ACOT8: variants seen among roughly 807,000 people sequenced by gnomAD.
ACOT8 encodes the protein acyl-coenzyme A thioesterase 8.
Under a neutral mutation model 38.4 loss-of-function variants are expected in ACOT8, and 31 were observed. The ratio of observed to expected loss-of-function variants is 0.81; its 90% CI spans 0.61 to 1.09. ACOT8 has a LOEUF of 1.09. Among genes scored for constraint, ACOT8 ranks in the 50% least tolerant of loss-of-function variants. The pLI is 0.00. For synonymous variants in ACOT8, 158 were observed against 170.3 expected, an observed-to-expected ratio of 0.93 and a Z score of 0.56; for missense variants, 373 against 421.8, an observed-to-expected ratio of 0.88 and a Z score of 1.01.
At position 45,842,701 on chromosome 20, in the gene ACOT8, A is replaced by T. The variant is rs1057276; in HGVS notation, c.842-745T>A. The T allele has an allele frequency of 0.027, 27,153 of 989,046 alleles. 511 individuals carry two copies. Among genetic ancestry groups the T allele is most frequent in the Admixed American group, 0.12 (2,124 of 17,180 alleles). 61.3% of individuals were successfully genotyped at this position (989,046 alleles called of 1,614,324 possible). A position where few individuals can be genotyped will look rare whatever the true frequency, so the allele number is the denominator to read the frequency against. On this transcript the variant is annotated intron_variant, in intron 5 of 5. Coordinates refer to ENST00000217455, the MANE Select transcript of ACOT8 (RefSeq NM_005469.4). The stretch of plus-strand genomic sequence containing the variant: ...CAAATGAAGCAGTTATGTGTTGTCC[A>T]GTTTTCCAGACCAGGACTGAAATCC...
At chr20:45,843,492 G>A (rs1009312067) in intron 5 of ACOT8, 35 bp downstream of exon 5, 1 of 1,600,150 alleles carries the variant, frequency 6.2e-7, no homozygotes, top group Non-Finnish European at 8.5e-7. Flanking sequence ...GCCACTCAAG[G>A]TCAGTGCCCT....
At chr20:45,843,449 G>C in intron 5 of ACOT8, 78 bp downstream of exon 5, 1 of 1,536,538 alleles carries the variant, frequency 6.5e-7, no homozygotes, top group Non-Finnish European at 8.8e-7. Context: ...CAGGAAGTCG[G>C]GAAATCAGCA....
Position 45,841,791 on chromosome 20 carries a change from G to T in ACOT8, c.*47C>A. On this transcript the variant is annotated 3_prime_UTR_variant, in exon 6 of 6. Coordinates refer to ENST00000217455, the MANE Select transcript of ACOT8 (RefSeq NM_005469.4). ...CTGTAACTCCTGTCTCAGGAATGGG[G>T]ATAGATGGGAGGTTCTTGAAGCCCC... 2 of 1,542,852 alleles carry T rather than the reference G, an allele frequency of 1.3e-6. No homozygotes were observed. The highest frequency in any genetic ancestry group is 1.7e-6 in the Non-Finnish European group (2 of 1,151,182).
chr20:45,848,944 G>A (rs913938401), intron 2 of ACOT8: 31 of 381,950 alleles, frequency 8.1e-5, no homozygotes, highest in Admixed American at 5.3e-4. Context: ...CTCACCAGCC[G>A]TGTGACCCTT....
Position 45,855,308 on chromosome 20 carries a change from G to GA in ACOT8, c.129-17dup. ...ATGCCTTCCTCTGTAGGGAGAGGGG[G>GA]AAAGAGGGAAAGACTTGGGAACTGG... On this transcript the variant is annotated splice_polypyrimidine_tract_variant and intron_variant, in intron 1 of 5. Coordinates refer to ENST00000217455, the MANE Select transcript of ACOT8 (RefSeq NM_005469.4). The GA allele has an allele frequency of 6.2e-7, 1 of 1,613,494 alleles. No individual in the cohort carries two copies. The highest frequency in any genetic ancestry group is 8.5e-7 in the Non-Finnish European group (1 of 1,179,874).
At chr20:45,848,358 G>A in intron 3 of ACOT8, 92 bp downstream of exon 3, 3 of 1,091,140 alleles carry the variant, frequency 2.7e-6, no homozygotes, top group Non-Finnish European at 3.9e-6. Context: ...TTTTAAAAAT[G>A]CTGGTCAAGA....
At chr20:45,850,418 G>T (rs1412655830) in intron 2 of ACOT8, among the ~76,000 whole-genome samples, 1 of 152,238 alleles carries the variant, frequency 6.6e-6, no homozygotes, top group Non-Finnish European at 1.5e-5. Context: ...TTGCTGGACT[G>T]GTTGGTAAAG....
In ACOT8 at chr20:45,855,207, T is replaced by G; in HGVS notation, c.214A>C (p.Ser72Arg). 6.2e-7 allele frequency: 1 copy of G among 1,614,134 alleles called. No individual in the cohort carries two copies. Among genetic ancestry groups the G allele is most frequent in the Non-Finnish European group, 8.5e-7 (1 of 1,180,014 alleles). Reference sequence around the variant, plus strand: ...AGGGAGTGCACGTGGACGTCTTCACTCACAGACTTGGCTGCAGCCACCAGG... The same window carrying G: ...AGGGAGTGCACGTGGACGTCTTCACGCACAGACTTGGCTGCAGCCACCAGG... ...QALVAAAKSV[S>R]EDVHVHSLHC... The change falls in exon 2 of 6, where the codon AGT becomes CGT. Residue 72 changes from serine (S) to arginine (R), a missense_variant. By Grantham distance (110) the Ser-to-Arg change is moderately radical. Transcript: ENST00000217455.
At chr20:45,855,330 C>A in intron 1 of ACOT8, 38 bp from the exon 2 acceptor site, 5 of 1,611,476 alleles carry the variant, frequency 3.1e-6, no homozygotes, top group Non-Finnish European at 4.2e-6. Context: ...GACTTGGGAA[C>A]TGGGCCAAAT....
chr20:45,842,913 C>T (rs1984343389), intron 5 of ACOT8: 8 of 1,005,996 alleles, frequency 8.0e-6, no homozygotes, highest in African/African-American at 1.7e-5. Flanking sequence ...AATGTACTCC[C>T]TTGGAAAGGA....
At chr20:45,849,886 AT>A (rs1473187481) in intron 2 of ACOT8, among the ~76,000 whole-genome samples, 1 of 152,018 alleles carries the variant, frequency 6.6e-6, no homozygotes, top group Non-Finnish European at 1.5e-5. Context: ...GGCTGTTGGC[AT>A]GGGGAAGCTG....
chr20:45,844,113 A>G (rs1984484641), intron 4 of ACOT8, 150 bp downstream of exon 4: 1 of 1,099,164 alleles, frequency 9.1e-7, no homozygotes, highest in Non-Finnish European at 1.3e-6. Context: ...AAGGGCTGAG[A>G]GGGCCCAGGT....
At chr20:45,850,280 TAGG>T (rs1269292606) in intron 2 of ACOT8, among the ~76,000 whole-genome samples, 2 of 152,164 alleles carry the variant, frequency 1.3e-5, no homozygotes, top group African/African-American at 4.8e-5. Context: ...TGTGATTGGT[TAGG>T]AGTACATATT....
At position 45,853,966 on chromosome 20, in the gene ACOT8, A is replaced by C. The variant is rs199955052; in HGVS notation, c.262+1193T>G. ...CTTCTCAGCTGGGGATCTACGCAGAACACATGAGGGCATCTGCTCTGGGGG... is the reference window on the plus strand; with the variant it reads ...CTTCTCAGCTGGGGATCTACGCAGACCACATGAGGGCATCTGCTCTGGGGG... On this transcript the variant is annotated intron_variant, in intron 2 of 5. Transcript: ENST00000217455. The C allele has an allele frequency of 7.3e-4, 947 of 1,304,306 alleles. 9 individuals carry two copies. The highest frequency in any genetic ancestry group is 1.6e-4 in the Non-Finnish European group (160 of 988,948). 80.8% of individuals were successfully genotyped at this position (1,304,306 alleles called of 1,614,324 possible).
chr20:45,856,913 C>T (rs1231111613), intron 1 of ACOT8, among the ~76,000 whole-genome samples: 6 of 152,220 alleles, frequency 3.9e-5, no homozygotes, highest in South Asian at 2.1e-4. Flanking sequence ...TCTGGGCTAG[C>T]TCCCCCGTGA....
chr20:45,853,912 A>G (rs1380954651), intron 2 of ACOT8: 2 of 1,302,978 alleles, frequency 1.5e-6, no homozygotes, highest in Non-Finnish European at 2.0e-6. Flanking sequence ...TTCTTAATAC[A>G]AATCACATAC....
Position 45,844,361 on chromosome 20 carries a change from ACCT to A in ACOT8, c.545_547del (p.Glu182del). 1 of 1,613,672 alleles carries A rather than the reference ACCT, an allele frequency of 6.2e-7. No homozygotes were observed. The highest frequency in any genetic ancestry group is 8.5e-7 in the Non-Finnish European group (1 of 1,179,906). On this transcript the variant is annotated inframe_deletion, in exon 4 of 6. Coordinates refer to ENST00000217455, the MANE Select transcript of ACOT8 (RefSeq NM_005469.4). ...GTTTACTGGCTTGATCTCAATGGGG[ACCT>A]CCTGAGCAGCAATTCGGTTGAGCGC...
intron 1 of ACOT8, among the ~76,000 whole-genome samples, chr20:45,856,414 G>A (rs1985431982): frequency 6.6e-6 from 1 of 152,180 alleles, no homozygotes; most frequent in Non-Finnish European, 1.5e-5. Context: ...GGCTGGGCGC[G>A]GTGGCTCATG....
chr20:45,844,844 A>C (rs1421784196), intron 3 of ACOT8, among the ~76,000 whole-genome samples: 1 of 152,248 alleles, frequency 6.6e-6, no homozygotes, highest in African/African-American at 2.4e-5. Context: ...CAGTGAAATA[A>C]GCACAGAGTC....
Sources: allele counts gnomAD v4.1 joint callset (sites outside exome capture counted in the v4.1 genomes callset), GRCh38; gene constraint gnomAD v4.1.1; transcripts MANE v1.5; gene names NCBI Gene and HGNC (gene_info 2026-07-23, HGNC 2026-07-21).